OR2T6: variants seen among roughly 807,000 people sequenced by gnomAD.
OR2T6 encodes olfactory receptor family 2 subfamily T member 6, also known as olfactory receptor 2T6.
For missense variants in OR2T6, 424 were observed against 391.6 expected (o/e 1.08, Z -0.70); for synonymous variants, 174 against 148.0 (o/e 1.18, Z -1.27).
At chr1:248,379,600 A>G (rs984564031) in intron 1 of OR2T6, among the ~76,000 whole-genome samples, 3 of 152,200 alleles carry the variant, frequency 2.0e-5, no homozygotes, top group Non-Finnish European at 4.4e-5. Flanking sequence ...TCTGAGTTCA[A>G]TAATTAATAT....
At chr1:248,380,517 G>T (rs1364336995) in intron 1 of OR2T6, among the ~76,000 whole-genome samples, 1 of 151,698 alleles carries the variant, frequency 6.6e-6, no homozygotes, top group Non-Finnish European at 1.5e-5. Flanking sequence ...AATGTATTTT[G>T]CAGATATTTT....
chr1:248,382,963 G>C (rs182585358), intron 1 of OR2T6, among the ~76,000 whole-genome samples: 1 of 152,294 alleles, frequency 6.6e-6, no homozygotes, highest in East Asian at 1.9e-4. Context: ...TCTCATCCTG[G>C]AACTGTTTTT....
rs745384284 is a variant in OR2T6, at chr1:248,389,658, A to G, written c.*1123A>G. 6.6e-6 allele frequency: 1 copy of G among 152,192 alleles called. No individual in the cohort carries two copies. The highest frequency in any genetic ancestry group is 1.5e-5 in the Non-Finnish European group (1 of 68,050). 9.4% of individuals were successfully genotyped at this position (152,192 alleles called of 1,614,324 possible). A position where few individuals can be genotyped will look rare whatever the true frequency, so the allele number is the denominator to read the frequency against. On this transcript the variant is annotated 3_prime_UTR_variant, in exon 3 of 3. Coordinates refer to ENST00000641644, the MANE Select transcript of OR2T6 (RefSeq NM_001005471.2). ...TCCCAAGGGGGCAACTCTCCTTAGT[A>G]CTTTTCATTCACTTGGTAGTCAGCG... is the stretch of plus-strand genomic sequence containing the variant.
chr1:248,381,861 C>CT (rs1347895330), intron 1 of OR2T6, among the ~76,000 whole-genome samples: 2 of 151,436 alleles, frequency 1.3e-5, no homozygotes, highest in Non-Finnish European at 2.9e-5. Context: ...TGTTTATCCC[C>CT]CCTAATTTAT....
At position 248,389,864 on chromosome 1, in the gene OR2T6, G is replaced by A. The variant is rs1314079017; in HGVS notation, c.*1329G>A. On this transcript the variant is annotated 3_prime_UTR_variant, in exon 3 of 3. Coordinates refer to ENST00000641644, the MANE Select transcript of OR2T6 (RefSeq NM_001005471.2). ...GATCACAAACCAGTCCAAGGGGAGA[G>A]AAGAAGAGAAAAGCGGTCCTGGTCC... 1.3e-5 allele frequency: 2 copies of A among 152,256 alleles called. No homozygotes were observed. Among genetic ancestry groups the A allele is most frequent in the African/African-American group, 2.4e-5 (1 of 41,450 alleles). 9.4% of individuals were successfully genotyped at this position (152,256 alleles called of 1,614,324 possible). A position where few individuals can be genotyped will look rare whatever the true frequency, so the allele number is the denominator to read the frequency against.
intron 2 of OR2T6, among the ~76,000 whole-genome samples, chr1:248,387,403 T>C (rs1388026318): frequency 6.6e-6 from 1 of 152,060 alleles, no homozygotes. Context: ...TCCCATGGGG[T>C]CCTAATGTTG....
rs1428936316 is a variant in OR2T6, at chr1:248,390,980, A to T, written c.*2445A>T. The T allele has an allele frequency of 6.6e-6, 1 of 152,238 alleles. No homozygotes were observed. Among genetic ancestry groups the T allele is most frequent in the Non-Finnish European group, 1.5e-5 (1 of 68,038 alleles). 9.4% of individuals were successfully genotyped at this position (152,238 alleles called of 1,614,324 possible). A position where few individuals can be genotyped will look rare whatever the true frequency, so the allele number is the denominator to read the frequency against. ...ATTATTTCAGCTATTCTTTGAAAAG[A>T]TGATTGACTTTTATATTCAGTTTTT... On this transcript the variant is annotated 3_prime_UTR_variant, in exon 3 of 3. Transcript: ENST00000641644.
chr1:248,387,862 A>G lies in OR2T6; in HGVS notation c.254A>G (p.Tyr85Cys), dbSNP rs1661169765. 5 of 1,597,606 alleles carry G rather than the reference A, an allele frequency of 3.1e-6. No homozygotes were observed. The Middle Eastern group carries it at 5.0e-4, about 160-fold the overall frequency. Residue 85 changes from tyrosine to cysteine, a missense_variant, in exon 3 of 3, where the codon TAT becomes TGT. Transcript: ENST00000641644. ...STIVPKMLVD[Y>C]LMGEGTISFI... ...ATTGTGCCCAAGATGCTGGTAGATTATCTCATGGGCGAGGGGACCATCTCT... is the reference window on the plus strand; with the variant it reads ...ATTGTGCCCAAGATGCTGGTAGATTGTCTCATGGGCGAGGGGACCATCTCT...
intron 1 of OR2T6, among the ~76,000 whole-genome samples, chr1:248,382,446 T>C (rs1661050055): frequency 6.6e-6 from 1 of 152,140 alleles, no homozygotes; most frequent in Admixed American, 6.5e-5. Flanking sequence ...AATAATTCTC[T>C]CCTATTTGTG....
intron 2 of OR2T6, among the ~76,000 whole-genome samples, chr1:248,386,339 C>A (rs909841463): frequency 1.3e-5 from 2 of 152,134 alleles, no homozygotes; most frequent in Non-Finnish European, 2.9e-5. Flanking sequence ...ATCTTTTATG[C>A]ATTTCCTTCA....
chr1:248,390,690 T>C lies in OR2T6; in HGVS notation c.*2155T>C, dbSNP rs1572873207. On this transcript the variant is annotated 3_prime_UTR_variant, in exon 3 of 3. Transcript: ENST00000641644. ...GTCTTGGACAACAGTATGTGCCAGA[T>C]AATATGAGGGAGCATTTCCAACCAA... 1 of 152,084 alleles carries C rather than the reference T, an allele frequency of 6.6e-6. No individual in the cohort carries two copies. Among genetic ancestry groups the C allele is most frequent in the South Asian group, 2.1e-4 (1 of 4,832 alleles). The allele number at this position is 152,084 out of a possible 1,614,324, so 9.4% of individuals were successfully genotyped here. A position where few individuals can be genotyped will look rare whatever the true frequency, so the allele number is the denominator to read the frequency against.
At chr1:248,376,948 G>C (rs955232717) in intron 1 of OR2T6, among the ~76,000 whole-genome samples, 2 of 152,098 alleles carry the variant, frequency 1.3e-5, no homozygotes, top group African/African-American at 4.8e-5. Flanking sequence ...TTTAAAAATG[G>C]TCAACTACCC....
rs1661229890 is a variant in OR2T6, at chr1:248,390,475, A to G, written c.*1940A>G. 1 of 152,234 alleles carries G rather than the reference A, an allele frequency of 6.6e-6. No homozygotes were observed. The highest frequency in any genetic ancestry group is 1.5e-5 in the Non-Finnish European group (1 of 68,034). The allele number at this position is 152,234 out of a possible 1,614,324, so 9.4% of individuals were successfully genotyped here. A position where few individuals can be genotyped will look rare whatever the true frequency, so the allele number is the denominator to read the frequency against. ...TAGCCACACCTCCTTTTGTACTGAA[A>G]AAAGCTGCTGGGTATTTGACAAAAT... is the stretch of plus-strand genomic sequence containing the variant. On this transcript the variant is annotated 3_prime_UTR_variant, in exon 3 of 3. Transcript: ENST00000641644.
intron 2 of OR2T6, among the ~76,000 whole-genome samples, chr1:248,385,926 A>C (rs1004324408): frequency 1.3e-5 from 2 of 152,240 alleles, no homozygotes; most frequent in African/African-American, 4.8e-5. Flanking sequence ...ACATCCCGTA[A>C]GTTTCCTGTG....
chr1:248,385,876 G>A (rs1363663440), intron 2 of OR2T6, among the ~76,000 whole-genome samples: 1 of 152,236 alleles, frequency 6.6e-6, no homozygotes, highest in Non-Finnish European at 1.5e-5. Flanking sequence ...TTACTCAGCT[G>A]TGGTCCTTTG....
rs773197375 is a variant in OR2T6 at position 248,382,532 on chromosome 1, C to CTT, written c.-158-2177_-158-2176dup. 1.2e-3 allele frequency among the ~76,000 whole-genome samples: 140 copies of CTT among 117,288 alleles called. 11 individuals are homozygous for CTT. Among genetic ancestry groups the CTT allele is most frequent in the South Asian group, 2.8e-3 (10 of 3,520 alleles). 76.9% of individuals were successfully genotyped at this position (117,288 alleles called of 152,430 possible). A position where few individuals can be genotyped will look rare whatever the true frequency, so the allele number is the denominator to read the frequency against. On this transcript the variant is annotated intron_variant, in intron 1 of 2. Coordinates refer to ENST00000641644, the MANE Select transcript of OR2T6 (RefSeq NM_001005471.2). ...CAATACTCCATGTCTACCTTTCTTT[C>CTT]TTTCTTTTTTTTTTTTTTTAGATGG...
In OR2T6 at chr1:248,390,393, T is replaced by C. The variant is rs1428002511; in HGVS notation, c.*1858T>C. ...TTGTACTGTCATTGGTTTAACAAAA[T>C]CCAAGCCGGGTTCAGTGACGTTCTG... On this transcript the variant is annotated 3_prime_UTR_variant, in exon 3 of 3. Coordinates refer to ENST00000641644, the MANE Select transcript of OR2T6 (RefSeq NM_001005471.2). The C allele has an allele frequency of 6.6e-6, 1 of 152,140 alleles. No homozygotes were observed. The highest frequency in any genetic ancestry group is 2.4e-5 in the African/African-American group (1 of 41,406). 9.4% of individuals were successfully genotyped at this position (152,140 alleles called of 1,614,324 possible).
Position 248,388,460 on chromosome 1 carries a change from A to T in OR2T6, c.852A>T (p.Leu284Phe). 3 of 1,611,084 alleles carry T rather than the reference A, an allele frequency of 1.9e-6. No homozygotes were observed. The highest frequency in any genetic ancestry group is 2.5e-6 in the Non-Finnish European group (3 of 1,178,394). Residue 284 changes from leucine (L) to phenylalanine (F), a missense_variant, in exon 3 of 3, where the codon TTA (leucine) becomes TTT (phenylalanine). By Grantham distance (22) the Leu-to-Phe change is conservative. Coordinates refer to ENST00000641644, the MANE Select transcript of OR2T6 (RefSeq NM_001005471.2). ...FSAFYTILTP[L>F]LNPLIYSLRN... Reference sequence around the variant, plus strand: ...CCTTTTATACCATCCTCACACCCTTATTAAACCCTCTCATCTACAGTCTGA... The same window carrying T: ...CCTTTTATACCATCCTCACACCCTTTTTAAACCCTCTCATCTACAGTCTGA...
At chr1:248,378,539 A>G (rs1428394643) in intron 1 of OR2T6, among the ~76,000 whole-genome samples, 11 of 148,696 alleles carry the variant, frequency 7.4e-5, no homozygotes, top group Non-Finnish European at 1.0e-4. Context: ...ACATTTGCGC[A>G]TATGTGGGTT....
Sources: gnomAD v4.1 joint callset for allele counts (sites outside exome capture counted in the v4.1 genomes callset) on GRCh38, gnomAD v4.1.1 for gene constraint, MANE v1.5 for transcripts, NCBI Gene and HGNC (gene_info 2026-07-23, HGNC 2026-07-21) for gene names.